RPH3A: variants seen among roughly 807,000 people sequenced by gnomAD.
The protein encoded by RPH3A is rabphilin-3A.
RPH3A carries 48 observed loss-of-function variants against 102.2 expected under a neutral mutation model. The ratio of observed to expected loss-of-function variants is 0.47; its 90% CI spans 0.37 to 0.60. The LOEUF is 0.60. Ranked by LOEUF, RPH3A falls within the 20% of genes least tolerant of loss-of-function variation. RPH3A has a pLI of 0.00. For synonymous variants in RPH3A, 310 were observed against 324.3 expected (o/e 0.96, Z 0.47); for missense variants, 781 against 910.1 (o/e 0.86, Z 1.83).
intron 1 of RPH3A, among the ~76,000 whole-genome samples, chr12:112,584,680 A>T (rs907396930): frequency 6.6e-6 from 1 of 152,174 alleles, no homozygotes; most frequent in Non-Finnish European, 1.5e-5. Context: ...GTTGTTATTA[A>T]GGATGGAGCT....
At chr12:112,841,689 G>A (rs1452271312) in intron 4 of RPH3A, among the ~76,000 whole-genome samples, 3 of 137,492 alleles carry the variant, frequency 2.2e-5, no homozygotes, top group Non-Finnish European at 4.6e-5. Context: ...TAAAGCTTGA[G>A]TTTTTTTTGT....
Position 112,879,904 on chromosome 12 carries a change from A to G in RPH3A, c.1251+706A>G, listed in dbSNP as rs554674077. 5.9e-3 allele frequency among the ~76,000 whole-genome samples: 901 copies of G among 152,282 alleles called. 8 individuals are homozygous for G. Among genetic ancestry groups the G allele is most frequent in the Non-Finnish European group, 7.8e-3 (532 of 68,018 alleles). On this transcript the variant is annotated intron_variant, in intron 14 of 21. Transcript: ENST00000389385. ...TGTGTGACTTGGGAGAAGTGACTTA[A>G]ACCCTCTGTGTCTCAGTGTGCCTAT...
chr12:112,608,877 A>T (rs2039617915), intron 1 of RPH3A, among the ~76,000 whole-genome samples: 2 of 152,250 alleles, frequency 1.3e-5, no homozygotes, highest in Admixed American at 6.5e-5. Flanking sequence ...GTAGATTGAC[A>T]TCAGTAAGTC....
At chr12:112,774,091 G>A (rs2040947722) in intron 1 of RPH3A, among the ~76,000 whole-genome samples, 2 of 125,522 alleles carry the variant, frequency 1.6e-5, no homozygotes, top group South Asian at 2.6e-4. Context: ...AAAGAGAAAG[G>A]TAGAAGTAAA....
chr12:112,811,567 C>T (rs1000804775), intron 2 of RPH3A, among the ~76,000 whole-genome samples: 1 of 149,672 alleles, frequency 6.7e-6, no homozygotes, highest in African/African-American at 2.4e-5. Context: ...TACAGCATAA[C>T]AGCTGAAACA....
At chr12:112,597,212 G>T (rs1316137928) in intron 1 of RPH3A, among the ~76,000 whole-genome samples, 1 of 152,160 alleles carries the variant, frequency 6.6e-6, no homozygotes, top group Non-Finnish European at 1.5e-5. Context: ...GTTCAAGAGG[G>T]AATTGATCTT....
intron 1 of RPH3A, among the ~76,000 whole-genome samples, chr12:112,647,511 A>G (rs1566241389): frequency 1.3e-5 from 2 of 152,202 alleles, no homozygotes; most frequent in Non-Finnish European, 2.9e-5. Flanking sequence ...GGCAATAGGC[A>G]ATAAATGAGT....
At chr12:112,683,767 T>C (rs1251472865) in intron 1 of RPH3A, among the ~76,000 whole-genome samples, 1 of 152,170 alleles carries the variant, frequency 6.6e-6, no homozygotes, top group East Asian at 1.9e-4. Flanking sequence ...CTCTTCAGGA[T>C]TGGGCCTGAT....
intron 1 of RPH3A, among the ~76,000 whole-genome samples, chr12:112,695,813 GT>G (rs1182490280): frequency 4.6e-5 from 7 of 151,902 alleles, no homozygotes; most frequent in African/African-American, 1.7e-4. Context: ...ACCTGGAGTA[GT>G]TTTTTTTGCT....
intron 2 of RPH3A, among the ~76,000 whole-genome samples, chr12:112,795,016 A>G (rs1565884624): frequency 6.6e-6 from 1 of 152,192 alleles, no homozygotes; most frequent in Non-Finnish European, 1.5e-5. Flanking sequence ...GGTAGCCTGG[A>G]AAGTCAGTGC....
chr12:112,810,072 G>A (rs2041542746), intron 2 of RPH3A, among the ~76,000 whole-genome samples: 1 of 152,206 alleles, frequency 6.6e-6, no homozygotes, highest in Admixed American at 6.5e-5. Context: ...GGACATTTCA[G>A]CTTCCTTTCT....
intron 1 of RPH3A, among the ~76,000 whole-genome samples, chr12:112,770,113 A>G (rs1565875232): frequency 6.6e-6 from 1 of 152,150 alleles, no homozygotes; most frequent in Non-Finnish European, 1.5e-5. Context: ...GCTTCATGGC[A>G]TCCCATAATA....
intron 10 of RPH3A, among the ~76,000 whole-genome samples, chr12:112,870,741 C>A (rs1399811927): frequency 1.3e-5 from 2 of 152,132 alleles, no homozygotes; most frequent in African/African-American, 4.8e-5. Flanking sequence ...GTGTTTGTAG[C>A]TTAGCACTTC....
At chr12:112,868,400 C>A (rs761719551) in intron 7 of RPH3A, 30 bp from the exon 8 acceptor site, 9 of 1,601,968 alleles carry the variant, frequency 5.6e-6, no homozygotes. Flanking sequence ...TTGGCTGCCA[C>A]ATCTTCAATC....
chr12:112,646,815 C>G (rs2039934962), intron 1 of RPH3A, among the ~76,000 whole-genome samples: 1 of 152,152 alleles, frequency 6.6e-6, no homozygotes, highest in African/African-American at 2.4e-5. Flanking sequence ...ACACACAGTC[C>G]CTGTCCTCAT....
chr12:112,820,404 G>A (rs2041757021), intron 2 of RPH3A, among the ~76,000 whole-genome samples: 1 of 152,210 alleles, frequency 6.6e-6, no homozygotes, highest in Admixed American at 6.5e-5. Context: ...GCATAGTAGA[G>A]TGATTAAACA....
At chr12:112,861,389 G>A (rs1291667508) in intron 5 of RPH3A, among the ~76,000 whole-genome samples, 1 of 152,214 alleles carries the variant, frequency 6.6e-6, no homozygotes, top group Non-Finnish European at 1.5e-5. Context: ...GAACCAGCCA[G>A]GGTAACTGCA....
At chr12:112,686,137 C>G (rs1040057146) in intron 1 of RPH3A, among the ~76,000 whole-genome samples, 1 of 152,136 alleles carries the variant, frequency 6.6e-6, no homozygotes, top group Non-Finnish European at 1.5e-5. Flanking sequence ...ATGGGAACAC[C>G]TAGCTCTTAT....
At chr12:112,702,657 A>G (rs1344733557) in intron 1 of RPH3A, among the ~76,000 whole-genome samples, 1 of 152,230 alleles carries the variant, frequency 6.6e-6, no homozygotes, top group African/African-American at 2.4e-5. Context: ...ACTGAAGAGA[A>G]GAGGGAAGAG....
Sources: gnomAD v4.1 joint callset for allele counts (sites outside exome capture counted in the v4.1 genomes callset) on GRCh38, gnomAD v4.1.1 for gene constraint, MANE v1.5 for transcripts, NCBI Gene and HGNC (gene_info 2026-07-23, HGNC 2026-07-21) for gene names.